Variants in GRID2 observed in about 807,000 individuals in gnomAD.
The protein encoded by GRID2 is glutamate receptor ionotropic, delta-2.
In GRID2, 33 loss-of-function variants were observed where a neutral mutation model predicts 114.8. The ratio of observed to expected loss-of-function variants is 0.29; its 90% CI spans 0.22 to 0.38. The LOEUF is 0.38. Among genes scored for constraint, GRID2 ranks in the 10% least tolerant of loss-of-function variants. The pLI is 1.00. For missense variants in GRID2, 1,184 were observed against 1,257.7 expected, an observed-to-expected ratio of 0.94 and a Z score of 0.89; for synonymous variants, 505 against 449.9, an observed-to-expected ratio of 1.12 and a Z score of -1.55.
chr4:93,712,649 G>A (rs1051929227), intron 14 of GRID2, among the ~76,000 whole-genome samples: 2 of 152,062 alleles, frequency 1.3e-5, no homozygotes, highest in Admixed American at 6.6e-5. Context: ...GACGTGGTAC[G>A]TAATTCAGAA....
chr4:93,299,086 A>G (rs755112777), intron 8 of GRID2, among the ~76,000 whole-genome samples: 8 of 152,320 alleles, frequency 5.3e-5, no homozygotes, highest in Middle Eastern at 3.4e-3. Flanking sequence ...AGTCACTGCT[A>G]TAAGGAATTG....
At chr4:92,841,900 T>C (rs1327653708) in intron 2 of GRID2, among the ~76,000 whole-genome samples, 3 of 152,118 alleles carry the variant, frequency 2.0e-5, no homozygotes, top group Non-Finnish European at 4.4e-5. Context: ...ATTGCATTTA[T>C]ACCAGCTAAG....
chr4:92,762,532 C>T (rs988251698), intron 2 of GRID2, among the ~76,000 whole-genome samples: 1 of 151,562 alleles, frequency 6.6e-6, no homozygotes, highest in Non-Finnish European at 1.5e-5. Flanking sequence ...TTACATAAAC[C>T]TCTTAACCTA....
chr4:92,395,590 C>T (rs1016799594), intron 1 of GRID2, among the ~76,000 whole-genome samples: 4 of 151,696 alleles, frequency 2.6e-5, no homozygotes, highest in East Asian at 1.9e-4. Flanking sequence ...TGGTCTATAA[C>T]GAGCTCTCTT....
intron 9 of GRID2, among the ~76,000 whole-genome samples, chr4:93,396,727 T>C (rs1765368579): frequency 6.6e-6 from 1 of 151,954 alleles, no homozygotes; most frequent in Non-Finnish European, 1.5e-5. Flanking sequence ...CTGTTATAAT[T>C]CTATACATTA....
At chr4:93,452,906 T>C (rs1187997638) in intron 10 of GRID2, among the ~76,000 whole-genome samples, 3 of 151,962 alleles carry the variant, frequency 2.0e-5, no homozygotes, top group East Asian at 1.9e-4. Flanking sequence ...TTTTTTATTA[T>C]ACTTTAAGTT....
intron 2 of GRID2, among the ~76,000 whole-genome samples, chr4:92,805,541 CTAA>C (rs1423797543): frequency 1.3e-5 from 2 of 151,994 alleles, no homozygotes; most frequent in South Asian, 2.1e-4. Context: ...GAAATGCCAA[CTAA>C]TAAAATGTAT....
intron 1 of GRID2, among the ~76,000 whole-genome samples, chr4:92,518,332 AC>A: frequency 6.6e-6 from 1 of 151,896 alleles, no homozygotes; most frequent in Non-Finnish European, 1.5e-5. Context: ...ATATACCTGC[AC>A]CAAGATCCAA....
intron 2 of GRID2, among the ~76,000 whole-genome samples, chr4:92,604,966 G>C (rs867135789): frequency 1.3e-5 from 2 of 152,086 alleles, no homozygotes; most frequent in Non-Finnish European, 2.9e-5. Flanking sequence ...TCTCCTGATA[G>C]TGAGTTCTCG....
intron 2 of GRID2, among the ~76,000 whole-genome samples, chr4:92,847,931 T>C (rs1043877520): frequency 6.6e-6 from 1 of 152,062 alleles, no homozygotes; most frequent in Non-Finnish European, 1.5e-5. Context: ...TCAGTGTATA[T>C]GTATATAATA....
At chr4:93,114,640 A>C (rs1188064545) in intron 4 of GRID2, among the ~76,000 whole-genome samples, 1 of 152,156 alleles carries the variant, frequency 6.6e-6, no homozygotes, top group Non-Finnish European at 1.5e-5. Context: ...TCTGACCTGC[A>C]AGATGGTTCC....
intron 14 of GRID2, among the ~76,000 whole-genome samples, chr4:93,711,268 A>G (rs1439810599): frequency 6.6e-6 from 1 of 152,136 alleles, no homozygotes; most frequent in Non-Finnish European, 1.5e-5. Flanking sequence ...TTCAAAGTCC[A>G]AGGGCTTTTT....
intron 8 of GRID2, among the ~76,000 whole-genome samples, chr4:93,277,872 A>G (rs757630481): frequency 2.5e-4 from 38 of 151,954 alleles, no homozygotes; most frequent in Admixed American, 8.6e-4. Flanking sequence ...CAGAGGGAAC[A>G]CGTATTGAAT....
chr4:92,996,603 C>G (rs1184694762), intron 2 of GRID2, among the ~76,000 whole-genome samples: 1 of 152,116 alleles, frequency 6.6e-6, no homozygotes, highest in Non-Finnish European at 1.5e-5. Context: ...AATCCTCATT[C>G]TACATGTTGG....
chr4:93,427,833 TA>T, intron 10 of GRID2, among the ~76,000 whole-genome samples: 1 of 152,198 alleles, frequency 6.6e-6, no homozygotes, highest in East Asian at 1.9e-4. Flanking sequence ...AATGTGTTCT[TA>T]AAATTTATGA....
At chr4:93,209,057 T>A (rs1177159555) in intron 5 of GRID2, among the ~76,000 whole-genome samples, 2 of 152,140 alleles carry the variant, frequency 1.3e-5, no homozygotes, top group East Asian at 3.9e-4. Flanking sequence ...AAACTTAATC[T>A]TTTTCAGTGT....
chr4:92,981,368 C>T (rs577254205), intron 2 of GRID2, among the ~76,000 whole-genome samples: 7 of 151,950 alleles, frequency 4.6e-5, no homozygotes, highest in East Asian at 1.9e-4. Context: ...GCAGTTAATG[C>T]GTGCGTATTA....
At chr4:92,848,712 C>T (rs1743527540) in intron 2 of GRID2, among the ~76,000 whole-genome samples, 1 of 151,758 alleles carries the variant, frequency 6.6e-6, no homozygotes, top group African/African-American at 2.4e-5. Flanking sequence ...TGGAGTCACA[C>T]CAGAATGACT....
At chr4:93,085,967 TA>T (rs1236433281) in intron 3 of GRID2, among the ~76,000 whole-genome samples, 1 of 152,180 alleles carries the variant, frequency 6.6e-6, no homozygotes, top group African/African-American at 2.4e-5. Flanking sequence ...CATTAACAAC[TA>T]AACAAAATAA....
Sources: gnomAD v4.1 joint callset for allele counts (sites outside exome capture counted in the v4.1 genomes callset) on GRCh38, gnomAD v4.1.1 for gene constraint, MANE v1.5 for transcripts, NCBI Gene and HGNC (gene_info 2026-07-23, HGNC 2026-07-21) for gene names.